EPC2: variants seen among roughly 807,000 people sequenced by gnomAD.
EPC2 encodes the protein enhancer of polycomb homolog 2.
In EPC2, 14 loss-of-function variants were observed where a neutral mutation model predicts 92.1. The ratio of observed to expected loss-of-function variants is 0.15; its 90% CI spans 0.10 to 0.24. EPC2 has a LOEUF of 0.24. Ranked by LOEUF, EPC2 falls within the 10% of genes least tolerant of loss-of-function variation. The pLI is 1.00. For missense variants in EPC2, 755 were observed against 971.5 expected (o/e 0.78, Z 2.96); for synonymous variants, 340 against 334.7 (o/e 1.02, Z -0.17).
chr2:148,692,851 C>G (rs1020340292), intron 2 of EPC2: 3 of 151,962 alleles, frequency 2.0e-5, no homozygotes, highest in Admixed American at 6.6e-5. Context: ...TTTTTCATTT[C>G]ATTTTATTCT....
At chr2:148,715,646 T>A (rs1333556667) in intron 2 of EPC2, among the ~76,000 whole-genome samples, 3 of 152,200 alleles carry the variant, frequency 2.0e-5, no homozygotes, top group Non-Finnish European at 4.4e-5. Flanking sequence ...ATAGTTGAAG[T>A]CAGGTAGTAT....
At chr2:148,760,839 C>T (rs752738816) in intron 4 of EPC2, among the ~76,000 whole-genome samples, 1 of 152,128 alleles carries the variant, frequency 6.6e-6, no homozygotes, top group Non-Finnish European at 1.5e-5. Context: ...TTATAATCCT[C>T]CAATATGAAA....
intron 8 of EPC2, 99 bp from the exon 9 acceptor site, chr2:148,770,693 C>G (rs1254661862): frequency 8.1e-7 from 1 of 1,232,492 alleles, no homozygotes; most frequent in Non-Finnish European, 1.1e-6. Context: ...AATTGTTCTG[C>G]TAATGTTGCA....
chr2:148,760,341 C>T (rs1683279130), intron 4 of EPC2, among the ~76,000 whole-genome samples: 1 of 152,082 alleles, frequency 6.6e-6, no homozygotes, highest in Non-Finnish European at 1.5e-5. Context: ...ACTTACTGAA[C>T]AGGGGAGCCA....
chr2:148,658,288 G>A (rs969118620), intron 1 of EPC2, among the ~76,000 whole-genome samples: 1 of 152,024 alleles, frequency 6.6e-6, no homozygotes, highest in Non-Finnish European at 1.5e-5. Flanking sequence ...GAGGAACACC[G>A]GACTGCACTT....
intron 2 of EPC2, among the ~76,000 whole-genome samples, chr2:148,705,415 C>T (rs149173348): frequency 0.013 from 2,035 of 152,242 alleles, 43 homozygotes; most frequent in African/African-American, 0.046. Context: ...CACCTCCCAG[C>T]GTGATTGATG....
chr2:148,712,804 G>A (rs1302633372), intron 2 of EPC2, among the ~76,000 whole-genome samples: 1 of 152,098 alleles, frequency 6.6e-6, no homozygotes, highest in Non-Finnish European at 1.5e-5. Flanking sequence ...GATTACTTGA[G>A]ATTAGGAGTT....
In EPC2 at chr2:148,743,754, C is replaced by G; in HGVS notation, c.446C>G (p.Ala149Gly). 6.3e-7 allele frequency: 1 copy of G among 1,598,340 alleles called. No individual in the cohort carries two copies. The highest frequency in any genetic ancestry group is 8.5e-7 in the Non-Finnish European group (1 of 1,173,820). The change falls in exon 3 of 14, where the codon GCC becomes GGC. Residue 149 changes from alanine to glycine, a missense_variant. Physicochemically the swap from Ala to Gly is moderately conservative, Grantham distance 60. This residue lies in a region of EPC2 where 509 missense variants were observed against 607.7 expected (regional missense o/e 0.84). Transcript: ENST00000258484. ...FEIMIDRLEKASSNQLVTLQE... is the reference protein window; with the variant it reads ...FEIMIDRLEKGSSNQLVTLQE... ...ATTATGATTGACAGACTTGAAAAAG[C>G]CAGTTCTAATCAGGTACTGTACCAT...
chr2:148,751,346 G>A (rs1286509887), intron 3 of EPC2, among the ~76,000 whole-genome samples: 3 of 152,004 alleles, frequency 2.0e-5, no homozygotes, highest in Non-Finnish European at 4.4e-5. Context: ...TAGAAGAAAA[G>A]CCTATATGGT....
At chr2:148,658,449 C>T (rs930274163) in intron 1 of EPC2, among the ~76,000 whole-genome samples, 1 of 151,914 alleles carries the variant, frequency 6.6e-6, no homozygotes, top group Non-Finnish European at 1.5e-5. Flanking sequence ...CTTGTTTGAC[C>T]TCAGCTGGGA....
intron 2 of EPC2, among the ~76,000 whole-genome samples, chr2:148,700,123 G>A (rs61181406): frequency 0.18 from 27,783 of 151,954 alleles, 3,272 homozygotes; most frequent in East Asian, 0.49. Flanking sequence ...TTTTAGATAC[G>A]TGTCCTGTAG....
chr2:148,653,270 C>T (rs564388562), intron 1 of EPC2, among the ~76,000 whole-genome samples: 58 of 152,286 alleles, frequency 3.8e-4, no homozygotes, highest in African/African-American at 1.3e-3. Context: ...TGCAGCTCTG[C>T]ATCTTCATTT....
intron 13 of EPC2, among the ~76,000 whole-genome samples, chr2:148,785,454 A>G (rs919624968): frequency 2.6e-5 from 4 of 152,160 alleles, no homozygotes; most frequent in East Asian, 1.9e-4. Flanking sequence ...CAGCCTCCCA[A>G]GTAGCTGGGA....
intron 2 of EPC2, among the ~76,000 whole-genome samples, chr2:148,728,301 T>TTTTG (rs142636211): frequency 6.6e-6 from 1 of 152,096 alleles, no homozygotes; most frequent in Non-Finnish European, 1.5e-5. Context: ...ACCTTGCTTT[T>TTTTG]TTTGTTTGTT....
intron 10 of EPC2, among the ~76,000 whole-genome samples, chr2:148,778,010 A>G (rs2105437923): frequency 6.6e-6 from 1 of 152,174 alleles, no homozygotes; most frequent in East Asian, 1.9e-4. Flanking sequence ...AAGTATGCCA[A>G]ATGTGTTATA....
At chr2:148,764,847 C>A in intron 6 of EPC2, 108 bp from the exon 7 acceptor site, 1 of 840,996 alleles carries the variant, frequency 1.2e-6, no homozygotes, top group Non-Finnish European at 1.6e-6. Context: ...ACAATAAAAT[C>A]ACCTCCTGGG....
chr2:148,645,478 C>T (rs972924247), intron 1 of EPC2: 3 of 352,392 alleles, frequency 8.5e-6, no homozygotes, highest in South Asian at 3.2e-5. Flanking sequence ...TCTTGGCGTA[C>T]GGTCTCTGTT....
Position 148,762,672 on chromosome 2 carries a change from A to G in EPC2, c.818A>G (p.Tyr273Cys). 6.3e-7 allele frequency: 1 copy of G among 1,586,824 alleles called. No individual in the cohort carries two copies. The highest frequency in any genetic ancestry group is 8.6e-7 in the Non-Finnish European group (1 of 1,168,628). Residue 273 changes from tyrosine (Y) to cysteine (C), a missense_variant and splice_region_variant, in exon 6 of 14, where the codon TAC (tyrosine) becomes TGC (cysteine). By Grantham distance (194) the Tyr-to-Cys change is radical (BLOSUM62 -2). This residue lies in a region of EPC2 where 509 missense variants were observed against 607.7 expected (regional missense o/e 0.84). Transcript: ENST00000258484. ...TATATTTTTGTTACCTTTTCAAGATACCATTTGGGAGACTATGGTGGTGAA... is the reference window on the plus strand; with the variant it reads ...TATATTTTTGTTACCTTTTCAAGATGCCATTTGGGAGACTATGGTGGTGAA... ...HLTLEVVEKR[Y>C]HLGDYGGEIL...
chr2:148,775,247 A>G (rs887905991), intron 10 of EPC2, among the ~76,000 whole-genome samples: 1 of 152,186 alleles, frequency 6.6e-6, no homozygotes, highest in Non-Finnish European at 1.5e-5. Context: ...CACTGTGTTA[A>G]ATGTTTAAAA....
Sources: allele counts gnomAD v4.1 joint callset (sites outside exome capture counted in the v4.1 genomes callset), GRCh38; gene constraint gnomAD v4.1.1; regional missense constraint gnomAD v4.1.1; transcripts MANE v1.5; gene names NCBI Gene and HGNC (gene_info 2026-07-23, HGNC 2026-07-21).